TEX11: variants seen among roughly 807,000 people sequenced by gnomAD.
TEX11 encodes testis-expressed protein 11.
TEX11 carries 7 observed loss-of-function variants against 84.4 expected under a neutral mutation model. That is an observed-to-expected ratio of 0.08 (90% CI 0.05 to 0.16). TEX11 has a LOEUF of 0.16. Ranked by LOEUF, TEX11 falls within the 10% of genes least tolerant of loss-of-function variation. The probability of loss-of-function intolerance (pLI) is 1.00; values close to 1 mark genes in which losing one functional copy is unlikely to be tolerated. For missense variants in TEX11, 551 were observed against 660.5 expected, an observed-to-expected ratio of 0.83 and a Z score of 1.82; for synonymous variants, 264 against 222.8, an observed-to-expected ratio of 1.18 and a Z score of -1.64.
At chrX:70,877,485 T>G (rs182717473) in intron 3 of TEX11, among the ~76,000 whole-genome samples, 19 of 111,230 alleles carry the variant, frequency 1.7e-4, no homozygotes, top group Admixed American at 1.3e-3. Context: ...CCTCAAAAAA[T>G]TAAAAACAGA....
At chrX:70,592,780 C>A (rs1349951360) in intron 24 of TEX11, among the ~76,000 whole-genome samples, 1 of 111,206 alleles carries the variant, frequency 9.0e-6, no homozygotes, top group Non-Finnish European at 1.9e-5. Flanking sequence ...GTAGGAGAGG[C>A]AGATCTATAG....
At chrX:70,881,005 CAAAAAAAAAAAAAA>C (rs11284342) in intron 2 of TEX11, among the ~76,000 whole-genome samples, 6 of 46,246 alleles carry the variant, frequency 1.3e-4, no homozygotes, top group African/African-American at 2.0e-4. Flanking sequence ...AGACATCATC[CAAAAAAAAAAAAAA>C]AAAAAAAAAA....
At chrX:70,676,981 A>G (rs1603212952) in intron 15 of TEX11, among the ~76,000 whole-genome samples, 1 of 112,241 alleles carries the variant, frequency 8.9e-6, no homozygotes, top group East Asian at 2.8e-4. Flanking sequence ...AAATACAATT[A>G]TAAGAGATGT....
intron 16 of TEX11, among the ~76,000 whole-genome samples, chrX:70,657,818 C>T (rs374879710): frequency 3.2e-4 from 33 of 102,311 alleles, no homozygotes; most frequent in Admixed American, 1.7e-3. Context: ...AGTAAACTAT[C>T]GCAAGGACAA....
chrX:70,515,444 A>T, the TEX11 span, among the ~76,000 whole-genome samples: 1 of 112,044 alleles, frequency 8.9e-6, no homozygotes, highest in African/African-American at 3.2e-5. Flanking sequence ...TACAAAGGAC[A>T]TGAACTCATC....
At chrX:70,580,926 A>T (rs1415690631) in intron 25 of TEX11, among the ~76,000 whole-genome samples, 1 of 104,232 alleles carries the variant, frequency 9.6e-6, no homozygotes, top group Non-Finnish European at 2.0e-5. Flanking sequence ...ATGGATAATC[A>T]TTGGATACCT....
At chrX:70,740,474 A>G (rs1424204167) in intron 11 of TEX11, among the ~76,000 whole-genome samples, 3 of 111,298 alleles carry the variant, frequency 2.7e-5, no homozygotes, top group Non-Finnish European at 3.8e-5. Flanking sequence ...AAAAGTCCCC[A>G]CCTCTTAATA....
intron 9 of TEX11, among the ~76,000 whole-genome samples, chrX:70,789,715 T>C (rs1334959011): frequency 8.9e-6 from 1 of 112,135 alleles, no homozygotes; most frequent in East Asian, 2.8e-4. Flanking sequence ...ACAAACATTA[T>C]GGAAAACTGT....
At chrX:70,808,107 C>CAAAAAAAAAAAAAA (rs549201546) in intron 8 of TEX11, among the ~76,000 whole-genome samples, 10 of 32,610 alleles carry the variant, frequency 3.1e-4, no homozygotes, top group East Asian at 1.0e-3. Context: ...GACTCTGTCT[C>CAAAAAAAAAAAAAA]AAAAAAAAAA....
chrX:70,793,078 A>G (rs67266397), intron 9 of TEX11, among the ~76,000 whole-genome samples: 25,852 of 110,873 alleles, frequency 0.23, 2,375 homozygotes, highest in Admixed American at 0.41. Flanking sequence ...CATAAACAGA[A>G]TTAAAAACAA....
At chrX:70,668,652 C>T (rs1250384173) in intron 16 of TEX11, among the ~76,000 whole-genome samples, 1 of 112,422 alleles carries the variant, frequency 8.9e-6, no homozygotes, top group African/African-American at 3.2e-5. Context: ...TTCTTCCTAA[C>T]CTCACTATTA....
At chrX:70,874,211 G>A (rs1208440601) in intron 3 of TEX11, among the ~76,000 whole-genome samples, 3 of 110,197 alleles carry the variant, frequency 2.7e-5, no homozygotes, top group Non-Finnish European at 5.7e-5. Flanking sequence ...ATGATCTGCA[G>A]AACCATGAGC....
At chrX:70,871,640 C>CA (rs973724975) in intron 4 of TEX11, among the ~76,000 whole-genome samples, 2 of 111,103 alleles carry the variant, frequency 1.8e-5, no homozygotes, top group African/African-American at 6.5e-5. Flanking sequence ...TCCACTGTAT[C>CA]AAAAAAAGTA....
chrX:70,610,679 A>G, intron 20 of TEX11, 136 bp from the exon 21 acceptor site: 1 of 529,528 alleles, frequency 1.9e-6, no homozygotes, highest in Non-Finnish European at 3.2e-6. Context: ...TCAGGACTCC[A>G]ATCTACCATT....
intron 11 of TEX11, among the ~76,000 whole-genome samples, chrX:70,732,069 T>C (rs2090656773): frequency 9.0e-6 from 1 of 111,729 alleles, no homozygotes; most frequent in African/African-American, 3.3e-5. Context: ...ATTATCTCAA[T>C]AGATGCAGAA....
chrX:70,687,809 G>T, intron 13 of TEX11, among the ~76,000 whole-genome samples: 1 of 109,620 alleles, frequency 9.1e-6, no homozygotes, highest in Non-Finnish European at 1.9e-5. Context: ...TTATACCACT[G>T]CACTCCAGCC....
chrX:70,554,652 T>C lies in TEX11; in HGVS notation c.2289A>G (p.Ala763=). The C allele has an allele frequency of 8.4e-7, 1 of 1,194,994 alleles. No homozygotes were observed. The highest frequency in any genetic ancestry group is 1.1e-6 in the Non-Finnish European group (1 of 888,584). ...HLETKTFETI[A]IIAMEKPAHY... is the part of the protein sequence containing the mutation. The stretch of plus-strand genomic sequence containing the variant: ...CAAAAGCATAAATATAGCTCTTACT[T>C]GCAATTGTTTCAAAAGTTTTAGTTT... Residue 763 remains alanine (A), a splice_region_variant and synonymous_variant, in exon 26 of 30, where the codon GCA becomes GCG. Transcript: ENST00000374333.
At chrX:70,779,260 C>G (rs2091021349) in intron 9 of TEX11, among the ~76,000 whole-genome samples, 1 of 107,647 alleles carries the variant, frequency 9.3e-6, no homozygotes, top group Non-Finnish European at 1.9e-5. Context: ...ATTAAAAATA[C>G]AAAAATTAGC....
intron 9 of TEX11, among the ~76,000 whole-genome samples, chrX:70,784,534 C>G (rs1053167323): frequency 2.7e-5 from 3 of 111,588 alleles, no homozygotes; most frequent in Non-Finnish European, 5.6e-5. Context: ...AAGAGGAAGT[C>G]AAATTGTCTC....
Sources: allele counts gnomAD v4.1 joint callset (sites outside exome capture counted in the v4.1 genomes callset), GRCh38; gene constraint gnomAD v4.1.1; transcripts MANE v1.5; gene names NCBI Gene and HGNC (gene_info 2026-07-23, HGNC 2026-07-21).